Variants in NALF1 observed in about 807,000 individuals in gnomAD.
NALF1 encodes family with sequence similarity 155 member A.
NALF1 carries 3 observed loss-of-function variants against 48.4 expected under a neutral mutation model. The observed-to-expected ratio is 0.06, with a 90% CI of 0.03 to 0.16. The LOEUF (loss-of-function observed/expected upper bound fraction) is 0.16. Among genes scored for constraint, NALF1 ranks in the 10% least tolerant of loss-of-function variants. The pLI is 1.00. For missense variants in NALF1, 526 were observed against 571.5 expected (o/e 0.92, Z 0.81); for synonymous variants, 262 against 245.7 (o/e 1.07, Z -0.62).
intron 1 of NALF1, among the ~76,000 whole-genome samples, chr13:107,458,960 G>C (rs1015099528): frequency 2.0e-5 from 3 of 151,820 alleles, no homozygotes; most frequent in African/African-American, 7.3e-5. Context: ...TCTTGCCTGA[G>C]AGAGGTACAT....
At chr13:107,820,112 A>C (rs561564177) in intron 1 of NALF1, among the ~76,000 whole-genome samples, 2 of 152,304 alleles carry the variant, frequency 1.3e-5, no homozygotes, top group East Asian at 3.9e-4. Context: ...TGCAGGAAGA[A>C]GTTCTGCTCC....
chr13:107,367,669 C>T (rs983130318), intron 1 of NALF1, among the ~76,000 whole-genome samples: 5 of 152,136 alleles, frequency 3.3e-5, no homozygotes, highest in South Asian at 4.1e-4. Flanking sequence ...AAGGGCTACA[C>T]GGGCAGAAGC....
At chr13:107,471,514 C>T (rs940056550) in intron 1 of NALF1, among the ~76,000 whole-genome samples, 17 of 151,852 alleles carry the variant, frequency 1.1e-4, no homozygotes, top group Non-Finnish European at 2.1e-4. Flanking sequence ...TATTGTGGGA[C>T]TTATTTAGAA....
At chr13:107,352,425 A>G (rs1288879024) in intron 1 of NALF1, among the ~76,000 whole-genome samples, 1 of 152,212 alleles carries the variant, frequency 6.6e-6, no homozygotes, top group Non-Finnish European at 1.5e-5. Flanking sequence ...GTAACAAATT[A>G]TCATAGGCTC....
At chr13:107,375,192 G>A (rs1358046792) in intron 1 of NALF1, among the ~76,000 whole-genome samples, 1 of 152,022 alleles carries the variant, frequency 6.6e-6, no homozygotes, top group Non-Finnish European at 1.5e-5. Flanking sequence ...AAATGTCTTC[G>A]GCTGTGATAC....
intron 1 of NALF1, among the ~76,000 whole-genome samples, chr13:107,778,811 C>A (rs1877810536): frequency 6.6e-6 from 1 of 152,120 alleles, no homozygotes; most frequent in South Asian, 2.1e-4. Flanking sequence ...CCCTCAATCA[C>A]CTGTTGTTAC....
chr13:107,460,477 G>A (rs979456398), intron 1 of NALF1, among the ~76,000 whole-genome samples: 1 of 152,212 alleles, frequency 6.6e-6, no homozygotes, highest in Non-Finnish European at 1.5e-5. Context: ...CCAATGTGCT[G>A]ACTTCTTTCT....
At chr13:107,447,556 G>A (rs1884670900) in intron 1 of NALF1, among the ~76,000 whole-genome samples, 1 of 152,124 alleles carries the variant, frequency 6.6e-6, no homozygotes, top group Admixed American at 6.5e-5. Flanking sequence ...ATCATTCTGA[G>A]CTCTTTATGT....
intron 1 of NALF1, among the ~76,000 whole-genome samples, chr13:107,830,400 C>T (rs1392021985): frequency 6.6e-6 from 1 of 152,174 alleles, no homozygotes; most frequent in Non-Finnish European, 1.5e-5. Context: ...TACATTCCCA[C>T]CAACAATGCA....
At chr13:107,630,493 C>T (rs1011322085) in intron 1 of NALF1, among the ~76,000 whole-genome samples, 2 of 152,056 alleles carry the variant, frequency 1.3e-5, no homozygotes, top group Non-Finnish European at 2.9e-5. Context: ...CATCTTTGTA[C>T]AAATATATAA....
intron 1 of NALF1, among the ~76,000 whole-genome samples, chr13:107,857,378 T>C (rs9555420): frequency 0.039 from 5,933 of 152,236 alleles, 208 homozygotes; most frequent in East Asian, 0.13. Flanking sequence ...TCTTCTACAG[T>C]GGAATCTGGA....
chr13:107,199,882 G>A (rs1879474399), intron 2 of NALF1, among the ~76,000 whole-genome samples: 1 of 152,140 alleles, frequency 6.6e-6, no homozygotes, highest in African/African-American at 2.4e-5. Flanking sequence ...CCCGTGGGCG[G>A]GAGCATTGCA....
At chr13:107,719,855 C>T (rs1875931992) in intron 1 of NALF1, among the ~76,000 whole-genome samples, 1 of 152,136 alleles carries the variant, frequency 6.6e-6, no homozygotes, top group African/African-American at 2.4e-5. Flanking sequence ...CCTGGGCTCC[C>T]CTTGCCGAAC....
chr13:107,810,505 T>G (rs533415899), intron 1 of NALF1, among the ~76,000 whole-genome samples: 1 of 152,264 alleles, frequency 6.6e-6, no homozygotes, highest in East Asian at 1.9e-4. Flanking sequence ...TCTGTTGATC[T>G]CCTTAATTAA....
At chr13:107,698,731 G>C (rs1306288359) in intron 1 of NALF1, among the ~76,000 whole-genome samples, 1 of 152,018 alleles carries the variant, frequency 6.6e-6, no homozygotes, top group Non-Finnish European at 1.5e-5. Context: ...TGCAGAATAA[G>C]AACTACATTT....
chr13:107,446,637 A>G (rs994992263), intron 1 of NALF1, among the ~76,000 whole-genome samples: 1 of 152,164 alleles, frequency 6.6e-6, no homozygotes, highest in Admixed American at 6.5e-5. Flanking sequence ...TTTTCTCAAA[A>G]TTTAAATATT....
At chr13:107,347,580 C>T (rs1882797431) in intron 1 of NALF1, among the ~76,000 whole-genome samples, 2 of 152,176 alleles carry the variant, frequency 1.3e-5, no homozygotes, top group South Asian at 4.1e-4. Context: ...GCAGTCTATC[C>T]AGCCATGTCA....
Position 107,801,500 on chromosome 13 carries a change from A to C in NALF1, c.915+64182T>G, listed in dbSNP as rs149984297. ...TCTTATATATGAGAAATTTCAACGAAATTCAGTAAAAGGCAATAATAATAA... is the reference window on the plus strand; with the variant it reads ...TCTTATATATGAGAAATTTCAACGACATTCAGTAAAAGGCAATAATAATAA... On this transcript the variant is annotated intron_variant, in intron 1 of 2. Coordinates refer to ENST00000375915, the MANE Select transcript of NALF1 (RefSeq NM_001080396.3). Among the ~76,000 whole-genome samples, 194 of 152,296 alleles carry C rather than the reference A, an allele frequency of 1.3e-3. 3 individuals are homozygous for C. The highest frequency in any genetic ancestry group is 4.3e-3 in the African/African-American group (178 of 41,576).
At chr13:107,744,957 C>T (rs535816389) in intron 1 of NALF1, among the ~76,000 whole-genome samples, 1 of 152,172 alleles carries the variant, frequency 6.6e-6, no homozygotes, top group East Asian at 1.9e-4. Flanking sequence ...GAGTCCTGAA[C>T]GTACGACTCT....
Sources: gnomAD v4.1 joint callset for allele counts (sites outside exome capture counted in the v4.1 genomes callset) on GRCh38, gnomAD v4.1.1 for gene constraint, MANE v1.5 for transcripts, NCBI Gene and HGNC (gene_info 2026-07-23, HGNC 2026-07-21) for gene names.